TENM4: variants seen among roughly 807,000 people sequenced by gnomAD.
The protein encoded by TENM4 is teneurin-4.
In TENM4, 82 loss-of-function variants were observed where a neutral mutation model predicts 243.3. The observed-to-expected ratio is 0.34, with a 90% confidence interval of 0.28 to 0.40. TENM4 has a LOEUF of 0.40. Ranked by LOEUF, TENM4 falls within the 10% of genes least tolerant of loss-of-function variation. TENM4 has a pLI of 1.00. For synonymous variants in TENM4, 1,412 were observed against 1,456.3 expected (o/e 0.97, Z 0.69); for missense variants, 3,138 against 3,673.3 (o/e 0.85, Z 3.77).
At chr11:78,831,060 A>G (rs1004386388) in intron 12 of TENM4, among the ~76,000 whole-genome samples, 4 of 152,214 alleles carry the variant, frequency 2.6e-5, no homozygotes, top group Non-Finnish European at 5.9e-5. Context: ...GGTTATCCCT[A>G]CTTTTCAGAT....
At chr11:78,879,108 C>G (rs1859344496) in intron 9 of TENM4, among the ~76,000 whole-genome samples, 1 of 151,652 alleles carries the variant, frequency 6.6e-6, no homozygotes, top group Admixed American at 6.6e-5. Flanking sequence ...AGGTGTGCCT[C>G]TGCCTGGCCA....
chr11:78,906,706 C>G (rs1320035241), intron 6 of TENM4, among the ~76,000 whole-genome samples: 1 of 152,176 alleles, frequency 6.6e-6, no homozygotes, highest in Admixed American at 6.5e-5. Flanking sequence ...CTGTCCTTTT[C>G]CTCTTGAATG....
In TENM4 at chr11:78,677,654, CA is replaced by C. The variant is rs55797205; in HGVS notation, c.5261-1268del. Among the ~76,000 whole-genome samples, 563 of 149,574 alleles carry C rather than the reference CA, an allele frequency of 3.8e-3. 1 individual carries two copies. Among genetic ancestry groups the C allele is most frequent in the African/African-American group, 0.011 (461 of 40,638 alleles). Reference sequence around the variant, plus strand: ...GACACTTAAACCACTGACAGAATGACAAAAAAAAATACATAAATATAAACAT... The same window carrying C: ...GACACTTAAACCACTGACAGAATGACAAAAAAAATACATAAATATAAACAT... On this transcript the variant is annotated intron_variant, in intron 29 of 33. Coordinates refer to ENST00000278550, the MANE Select transcript of TENM4 (RefSeq NM_001098816.3).
chr11:78,772,206 T>A (rs1255230670), intron 17 of TENM4, among the ~76,000 whole-genome samples: 1 of 152,156 alleles, frequency 6.6e-6, no homozygotes, highest in African/African-American at 2.4e-5. Context: ...TAAAGTAGAT[T>A]TGCAGGTTTT....
At chr11:78,768,991 G>T (rs190831002) in intron 18 of TENM4, among the ~76,000 whole-genome samples, 1 of 152,178 alleles carries the variant, frequency 6.6e-6, no homozygotes, top group Non-Finnish European at 1.5e-5. Flanking sequence ...TATGTATACC[G>T]GTAGGGAGAG....
At chr11:78,820,969 T>C (rs1857713201) in intron 12 of TENM4, among the ~76,000 whole-genome samples, 1 of 152,252 alleles carries the variant, frequency 6.6e-6, no homozygotes, top group Non-Finnish European at 1.5e-5. Flanking sequence ...TGTCGGTCCC[T>C]ATGGATGTCC....
At chr11:79,069,453 GA>G (rs1860348850) in intron 5 of TENM4, among the ~76,000 whole-genome samples, 1 of 152,190 alleles carries the variant, frequency 6.6e-6, no homozygotes, top group Non-Finnish European at 1.5e-5. Flanking sequence ...TAGGCAGGTA[GA>G]CAAACACTGG....
intron 15 of TENM4, among the ~76,000 whole-genome samples, chr11:78,788,703 C>G (rs946062173): frequency 1.3e-5 from 2 of 152,246 alleles, no homozygotes; most frequent in African/African-American, 4.8e-5. Context: ...GAGGTCAGCA[C>G]AGTGAACTTC....
At chr11:78,852,573 T>G (rs529080506) in intron 12 of TENM4, among the ~76,000 whole-genome samples, 1 of 152,086 alleles carries the variant, frequency 6.6e-6, no homozygotes, top group African/African-American at 2.4e-5. Flanking sequence ...GTCCCAGCTA[T>G]TCGGGAGGCC....
intron 27 of TENM4, among the ~76,000 whole-genome samples, chr11:78,704,885 G>A (rs1414179422): frequency 1.3e-5 from 2 of 152,156 alleles, no homozygotes; most frequent in Non-Finnish European, 2.9e-5. Context: ...TTCTCAGGAG[G>A]GGGCAGGCCC....
At chr11:78,864,573 A>G (rs1488919966) in intron 9 of TENM4, among the ~76,000 whole-genome samples, 1 of 152,142 alleles carries the variant, frequency 6.6e-6, no homozygotes, top group Non-Finnish European at 1.5e-5. Flanking sequence ...CATGCTTGAG[A>G]AGGCTGGGAA....
chr11:78,820,504 A>T (rs1857703197), intron 12 of TENM4, among the ~76,000 whole-genome samples: 1 of 152,194 alleles, frequency 6.6e-6, no homozygotes. Flanking sequence ...CACCTCAGAG[A>T]GTTATTTTGA....
At chr11:78,894,979 TAAAAAAAAA>T (rs67819510) in intron 7 of TENM4, among the ~76,000 whole-genome samples, 13,200 of 59,554 alleles carry the variant, frequency 0.22, 1,081 homozygotes, top group Middle Eastern at 0.38. Flanking sequence ...GACTCGGCCT[TAAAAAAAAA>T]AAAAAAAAAA....
At chr11:79,201,664 T>C (rs1042288025) in intron 3 of TENM4, among the ~76,000 whole-genome samples, 1 of 151,230 alleles carries the variant, frequency 6.6e-6, no homozygotes, top group Admixed American at 6.6e-5. Context: ...GGGAAGAAGA[T>C]AAATGAACCA....
chr11:79,319,488 T>A (rs770912011), intron 1 of TENM4, among the ~76,000 whole-genome samples: 46 of 152,212 alleles, frequency 3.0e-4, no homozygotes, highest in Admixed American at 6.5e-4. Context: ...AAATCTTAAA[T>A]AGATTCATAT....
At chr11:78,733,108 A>G (rs934494384) in intron 20 of TENM4, among the ~76,000 whole-genome samples, 10 of 152,238 alleles carry the variant, frequency 6.6e-5, no homozygotes, top group Non-Finnish European at 1.3e-4. Context: ...CTCCACAGCA[A>G]TCTTAGCTCT....
intron 2 of TENM4, among the ~76,000 whole-genome samples, chr11:79,281,792 C>T (rs1202523196): frequency 6.6e-6 from 1 of 152,236 alleles, no homozygotes; most frequent in Admixed American, 6.5e-5. Flanking sequence ...GGTCCCAAAC[C>T]ATTAAAACCT....
At chr11:78,788,482 G>C (rs1297738693) in intron 15 of TENM4, among the ~76,000 whole-genome samples, 1 of 152,230 alleles carries the variant, frequency 6.6e-6, no homozygotes, top group Non-Finnish European at 1.5e-5. Context: ...GTGTGACCTG[G>C]GGCAGGTCCC....
intron 7 of TENM4, among the ~76,000 whole-genome samples, chr11:78,899,610 G>T (rs1565430119): frequency 6.7e-6 from 1 of 149,462 alleles, no homozygotes; most frequent in South Asian, 2.1e-4. Flanking sequence ...CCCAATGTTA[G>T]AGGTGGGGCC....
Sources: gnomAD v4.1 joint callset for allele counts (sites outside exome capture counted in the v4.1 genomes callset) on GRCh38, gnomAD v4.1.1 for gene constraint, MANE v1.5 for transcripts, NCBI Gene and HGNC (gene_info 2026-07-23, HGNC 2026-07-21) for gene names.